FAM114A2: variants seen among roughly 807,000 people sequenced by gnomAD.
The protein encoded by FAM114A2 is family with sequence similarity 114 member A2.
In FAM114A2, 53 loss-of-function variants were observed where a neutral mutation model predicts 58.4. That is an observed-to-expected ratio of 0.91 (90% confidence interval 0.73 to 1.14). The LOEUF (loss-of-function observed/expected upper bound fraction) is 1.14. FAM114A2 is among the 50% of genes most tolerant of loss of function. The probability of loss-of-function intolerance (pLI) is 0.00; values close to 1 mark genes in which losing one functional copy is unlikely to be tolerated. For missense variants in FAM114A2, 601 were observed against 581.1 expected (o/e 1.03, Z -0.35); for synonymous variants, 228 against 211.4 (o/e 1.08, Z -0.68).
chr5:154,023,915 A>C (rs1771611536), intron 8 of FAM114A2, among the ~76,000 whole-genome samples: 1 of 152,198 alleles, frequency 6.6e-6, no homozygotes, highest in African/African-American at 2.4e-5. Context: ...TTTGTAGAGA[A>C]TCCACACAGT....
intron 13 of FAM114A2, 33 bp from the exon 14 acceptor site, chr5:153,993,143 T>A: frequency 1.3e-6 from 2 of 1,578,348 alleles, no homozygotes; most frequent in South Asian, 1.2e-5. Flanking sequence ...AAAAAGAAAA[T>A]ATTAGTTATT....
intron 8 of FAM114A2, among the ~76,000 whole-genome samples, chr5:154,012,513 T>A (rs1279333182): frequency 6.6e-6 from 1 of 152,246 alleles, no homozygotes; most frequent in Non-Finnish European, 1.5e-5. Flanking sequence ...CTTAATTCAC[T>A]ATAGTTTGCC....
rs780342073 is a variant in FAM114A2 at position 154,003,000 on chromosome 5, T to G, written c.994-31A>C. On this transcript the variant is annotated intron_variant, in intron 9 of 13. Coordinates refer to ENST00000351797, the MANE Select transcript of FAM114A2 (RefSeq NM_018691.4). ...TAAGAAAAATATTGGCCATCAACAA[T>G]TCAATTCAGTTTACCAAAATTACTG... 1.2e-5 allele frequency: 20 copies of G among 1,609,790 alleles called. No individual in the cohort carries two copies. The Admixed American group carries it at 3.3e-4, about 27-fold the overall frequency.
At chr5:153,993,251 ATT>A (rs1391340667) in intron 13 of FAM114A2, 141 bp from the exon 14 acceptor site, 1 of 595,998 alleles carries the variant, frequency 1.7e-6, no homozygotes, top group African/African-American at 1.9e-5. Context: ...TGACTTGGCC[ATT>A]TTGGTAAACT....
In FAM114A2 at chr5:154,034,757, A is replaced by G. The variant is rs1331491835; in HGVS notation, c.197T>C (p.Val66Ala). The G allele has an allele frequency of 6.2e-7, 1 of 1,612,148 alleles. No homozygotes were observed. Among genetic ancestry groups the G allele is most frequent in the African/African-American group, 1.3e-5 (1 of 75,008 alleles). Reference protein sequence around the residue: ...KPSSDLETSKVLPIQDNVSKD... With the variant: ...KPSSDLETSKALPIQDNVSKD... The stretch of plus-strand genomic sequence containing the variant: ...GGTCTGTGATACCTGAATAGGGAGA[A>G]CTTTTGAAGTCTCAAGGTCACTGGA... The change falls in exon 2 of 14, where the codon GTT becomes GCT. Residue 66 changes from valine (V) to alanine (A), a missense_variant. Transcript: ENST00000351797.
chr5:154,023,586 G>A (rs965039394), intron 8 of FAM114A2, among the ~76,000 whole-genome samples: 2 of 152,072 alleles, frequency 1.3e-5, no homozygotes, highest in African/African-American at 4.8e-5. Context: ...GGATGCAAAG[G>A]CTTAAGAATG....
intron 8 of FAM114A2, among the ~76,000 whole-genome samples, chr5:154,021,707 A>G (rs1338251884): frequency 6.6e-6 from 1 of 152,212 alleles, no homozygotes; most frequent in Non-Finnish European, 1.5e-5. Context: ...AATATCGTGA[A>G]AATGGCCATA....
At chr5:154,029,813 T>C (rs1311558856) in intron 4 of FAM114A2, among the ~76,000 whole-genome samples, 1 of 152,230 alleles carries the variant, frequency 6.6e-6, no homozygotes, top group Non-Finnish European at 1.5e-5. Flanking sequence ...ACTGCTGATA[T>C]ATACAACAGC....
rs1350861643 is a variant in FAM114A2 at position 154,002,874 on chromosome 5, A to G, written c.1089T>C (p.Thr363=). 1 of 1,614,020 alleles carries G rather than the reference A, an allele frequency of 6.2e-7. No individual in the cohort carries two copies. The highest frequency in any genetic ancestry group is 1.3e-5 in the African/African-American group (1 of 74,948). Residue 363 remains threonine, a synonymous_variant, in exon 10 of 14, where the codon ACT becomes ACC. Transcript: ENST00000351797. The part of the protein sequence containing the change: ...EGEKQSEAEN[T]EQVNKNSIED... ...CTATTGAATTTTTGTTGACTTGCTC[A>G]GTATTTTCTGCTTCCGACTGTTTTT...
chr5:154,034,643 G>A, intron 2 of FAM114A2, 101 bp downstream of exon 2: 3 of 835,042 alleles, frequency 3.6e-6, no homozygotes, highest in Non-Finnish European at 6.0e-6. Context: ...AGAAATAAGA[G>A]CAATTCTAAA....
At chr5:154,012,149 A>G (rs497503) in intron 8 of FAM114A2, among the ~76,000 whole-genome samples, 99,026 of 151,846 alleles carry the variant, frequency 0.65, 32,662 homozygotes, top group East Asian at 0.88. Flanking sequence ...AAGAAGAAAA[A>G]AGGATCAATC....
intron 8 of FAM114A2, among the ~76,000 whole-genome samples, chr5:154,017,925 G>A (rs1009782510): frequency 6.6e-6 from 1 of 152,072 alleles, no homozygotes; most frequent in Non-Finnish European, 1.5e-5. Context: ...ACTGCTAGGA[G>A]GAAAGTTAAA....
chr5:154,021,248 G>A (rs1168633410), intron 8 of FAM114A2, among the ~76,000 whole-genome samples: 1 of 152,208 alleles, frequency 6.6e-6, no homozygotes, highest in Non-Finnish European at 1.5e-5. Context: ...AGACAGGGAT[G>A]CCCTCTCTCA....
chr5:154,038,719 A>G (rs1772781188), intron 1 of FAM114A2, 138 bp downstream of exon 1: 1 of 152,126 alleles, frequency 6.6e-6, no homozygotes, highest in Admixed American at 6.5e-5. Context: ...CAATCACTAA[A>G]CCGCTTTCAC....
chr5:154,003,647 C>A (rs895598260), intron 9 of FAM114A2, among the ~76,000 whole-genome samples: 3 of 152,158 alleles, frequency 2.0e-5, no homozygotes, highest in Non-Finnish European at 4.4e-5. Context: ...CTAGCCAATA[C>A]TATTCAAACC....
chr5:154,006,796 ATTT>A (rs11318237), intron 9 of FAM114A2, among the ~76,000 whole-genome samples: 66 of 129,816 alleles, frequency 5.1e-4, no homozygotes, highest in African/African-American at 1.5e-3. Flanking sequence ...CCCAAAGGAG[ATTT>A]TTTTTTTTTT....
chr5:154,030,321 C>T (rs1772095778), intron 4 of FAM114A2, among the ~76,000 whole-genome samples: 1 of 152,098 alleles, frequency 6.6e-6, no homozygotes, highest in Non-Finnish European at 1.5e-5. Context: ...CATAGGAGAA[C>T]AACCATTATA....
At chr5:154,037,442 T>C (rs1438947688) in intron 1 of FAM114A2, 2 of 152,166 alleles carry the variant, frequency 1.3e-5, no homozygotes, top group African/African-American at 2.4e-5. Context: ...ACGTACCAAG[T>C]AGTACCACAG....
chr5:154,001,179 CATACACACATATGTATACAT>C (rs1182776637), intron 11 of FAM114A2, among the ~76,000 whole-genome samples: 1 of 152,178 alleles, frequency 6.6e-6, no homozygotes, highest in Non-Finnish European at 1.5e-5. Flanking sequence ...CATATATACA[CATACACACATATGTATACAT>C]ATACACACAT....
Sources: allele counts gnomAD v4.1 joint callset (sites outside exome capture counted in the v4.1 genomes callset), GRCh38; gene constraint gnomAD v4.1.1; transcripts MANE v1.5; gene names NCBI Gene and HGNC (gene_info 2026-07-23, HGNC 2026-07-21).